The following LEPR variants were observed in gnomAD, a reference collection of about 807,000 sequenced individuals.
LEPR encodes the protein OB receptor.
Under a neutral mutation model 114.7 loss-of-function variants are expected in LEPR, and 56 were observed. The observed-to-expected ratio is 0.49, with a 90% CI of 0.39 to 0.61. LEPR has a LOEUF of 0.61. Among genes scored for constraint, LEPR ranks in the 20% least tolerant of loss-of-function variants. The probability of loss-of-function intolerance (pLI) is 0.00; values close to 1 mark genes in which losing one functional copy is unlikely to be tolerated. For synonymous variants in LEPR, 443 were observed against 461.4 expected, an observed-to-expected ratio of 0.96 and a Z score of 0.51; for missense variants, 1,202 against 1,352.9, an observed-to-expected ratio of 0.89 and a Z score of 1.75.
chr1:65,460,136 C>G (rs1316399437), intron 2 of LEPR, among the ~76,000 whole-genome samples: 1 of 151,436 alleles, frequency 6.6e-6, no homozygotes. Context: ...TATTACATAT[C>G]AGCAATAAGA....
intron 2 of LEPR, among the ~76,000 whole-genome samples, chr1:65,552,352 T>C (rs752264834): frequency 6.6e-6 from 1 of 152,194 alleles, no homozygotes; most frequent in Non-Finnish European, 1.5e-5. Flanking sequence ...AGTCTCTTTG[T>C]AGGTCATTAA....
At chr1:65,425,016 T>A (rs9436739) in intron 1 of LEPR, among the ~76,000 whole-genome samples, 19,015 of 152,214 alleles carry the variant, frequency 0.12, 1,246 homozygotes, top group African/African-American at 0.14. Context: ...ATTGCTACAT[T>A]TGCTTGAATT....
chr1:65,512,730 C>T (rs1649094137), intron 2 of LEPR, among the ~76,000 whole-genome samples: 2 of 152,046 alleles, frequency 1.3e-5, no homozygotes, highest in African/African-American at 4.8e-5. Context: ...CCTTCTGTCC[C>T]GTGTCCCTTG....
In LEPR at chr1:65,637,047, T is replaced by C. The variant is rs775786706; in HGVS notation, c.*32T>C. On this transcript the variant is annotated 3_prime_UTR_variant, in exon 20 of 20. Transcript: ENST00000349533. ...TGAAGAAACCTTCAGATTTGTGTTA[T>C]AATGGGTAATATAAAGTGTAATAGA... 1.3e-6 allele frequency: 2 copies of C among 1,598,274 alleles called. No individual in the cohort carries two copies. The highest frequency in any genetic ancestry group is 2.2e-5 in the East Asian group (1 of 44,784).
intron 2 of LEPR, among the ~76,000 whole-genome samples, chr1:65,549,019 C>T (rs1652039747): frequency 1.3e-5 from 2 of 151,754 alleles, no homozygotes; most frequent in Admixed American, 6.6e-5. Flanking sequence ...GACAAAATCT[C>T]TCAGCATTTG....
At chr1:65,566,638 T>C (rs1474973625) in intron 3 of LEPR, among the ~76,000 whole-genome samples, 1 of 152,254 alleles carries the variant, frequency 6.6e-6, no homozygotes, top group East Asian at 1.9e-4. Context: ...AGAGTATCTT[T>C]AACAAAACTT....
At chr1:65,428,282 A>G (rs992816241) in intron 2 of LEPR, among the ~76,000 whole-genome samples, 5 of 152,208 alleles carry the variant, frequency 3.3e-5, no homozygotes, top group African/African-American at 9.6e-5. Flanking sequence ...GAATGAAAAC[A>G]TAGAGTCAGA....
chr1:65,553,803 T>C (rs1459357475), intron 2 of LEPR, among the ~76,000 whole-genome samples: 5 of 152,198 alleles, frequency 3.3e-5, no homozygotes, highest in African/African-American at 1.2e-4. Flanking sequence ...TTTGGAATTT[T>C]AAGCCTCTTT....
chr1:65,608,995 A>G, intron 12 of LEPR, 94 bp downstream of exon 12: 1 of 1,492,948 alleles, frequency 6.7e-7, no homozygotes, highest in Non-Finnish European at 9.3e-7. Context: ...TATTGGCATA[A>G]AAGTACATTC....
intron 2 of LEPR, among the ~76,000 whole-genome samples, chr1:65,513,449 C>A (rs957514123): frequency 2.6e-5 from 4 of 152,122 alleles, no homozygotes; most frequent in African/African-American, 7.2e-5. Context: ...TCTTTTATGA[C>A]TCATTAGTTC....
At chr1:65,475,031 T>A (rs1160818166) in intron 2 of LEPR, among the ~76,000 whole-genome samples, 128 of 70,240 alleles carry the variant, frequency 1.8e-3, no homozygotes, top group Admixed American at 3.3e-3. Flanking sequence ...AAAAAAAAAG[T>A]AGCAAGAAAA....
intron 1 of LEPR, among the ~76,000 whole-genome samples, chr1:65,422,684 G>A (rs1019678303): frequency 1.3e-5 from 2 of 152,244 alleles, no homozygotes; most frequent in African/African-American, 2.4e-5. Context: ...AGGACAGCAC[G>A]TGACATGGCG....
chr1:65,496,422 A>G (rs759689826), intron 2 of LEPR, among the ~76,000 whole-genome samples: 42 of 152,104 alleles, frequency 2.8e-4, no homozygotes, highest in Non-Finnish European at 5.6e-4. Flanking sequence ...AAGAAAACCA[A>G]AAACAATAGC....
At chr1:65,616,323 T>G (rs1234040211) in intron 15 of LEPR, 99 bp downstream of exon 15, 1 of 1,254,978 alleles carries the variant, frequency 8.0e-7, no homozygotes, top group East Asian at 2.5e-5. Flanking sequence ...CCTGCAATTC[T>G]CTGCATCTGA....
At chr1:65,478,032 A>G (rs1182370006) in intron 2 of LEPR, among the ~76,000 whole-genome samples, 3 of 152,178 alleles carry the variant, frequency 2.0e-5, no homozygotes, top group Non-Finnish European at 1.5e-5. Flanking sequence ...CCACACTCCT[A>G]TTATGCAATT....
At chr1:65,620,524 A>T (rs1334174380) in intron 17 of LEPR, among the ~76,000 whole-genome samples, 1 of 152,212 alleles carries the variant, frequency 6.6e-6, no homozygotes, top group African/African-American at 2.4e-5. Flanking sequence ...ATAATTATAT[A>T]ATGTCAGATA....
Position 65,570,429 on chromosome 1 carries a change from A to T in LEPR, c.41-44A>T, listed in dbSNP as rs955481394. 1.6e-5 allele frequency: 25 copies of T among 1,584,188 alleles called. 1 individual carries two copies. In the Middle Eastern group the frequency reaches 8.3e-4, roughly 53 times the overall value. ...GATACTTTCTATTCATGTCTTAGTCAAAATGATTACTTTTTTCTATGTGTC... is the reference window on the plus strand; with the variant it reads ...GATACTTTCTATTCATGTCTTAGTCTAAATGATTACTTTTTTCTATGTGTC... On this transcript the variant is annotated intron_variant, in intron 3 of 19. Coordinates refer to ENST00000349533, the MANE Select transcript of LEPR (RefSeq NM_002303.6).
chr1:65,438,353 C>CTT, intron 2 of LEPR, among the ~76,000 whole-genome samples: 1 of 151,516 alleles, frequency 6.6e-6, no homozygotes, highest in Non-Finnish European at 1.5e-5. Flanking sequence ...AGATCAAGAC[C>CTT]ATCCTGACCA....
intron 18 of LEPR, among the ~76,000 whole-genome samples, chr1:65,621,699 A>G (rs1347132393): frequency 1.3e-5 from 2 of 152,192 alleles, no homozygotes; most frequent in African/African-American, 4.8e-5. Context: ...TAACAGTTAA[A>G]GACAGGTTTT....
Sources: gnomAD v4.1 joint callset for allele counts (sites outside exome capture counted in the v4.1 genomes callset) on GRCh38, gnomAD v4.1.1 for gene constraint, MANE v1.5 for transcripts, NCBI Gene and HGNC (gene_info 2026-07-23, HGNC 2026-07-21) for gene names.